Variants in IL16 observed in about 807,000 individuals in gnomAD.
IL16 encodes pro-interleukin-16.
In IL16, 67 loss-of-function variants were observed where a neutral mutation model predicts 110.1. That is an observed-to-expected ratio of 0.61 (90% CI 0.50 to 0.75). The LOEUF (loss-of-function observed/expected upper bound fraction) is 0.75, where lower values mean the gene tolerates loss of function less well. IL16 is among the 30% of genes least tolerant of loss of function. IL16 has a pLI of 0.00. For missense variants in IL16, 1,545 were observed against 1,655.0 expected, an observed-to-expected ratio of 0.93 and a Z score of 1.15; for synonymous variants, 689 against 662.9, an observed-to-expected ratio of 1.04 and a Z score of -0.61.
intron 2 of IL16, among the ~76,000 whole-genome samples, chr15:81,233,599 T>C (rs1045905935): frequency 4.0e-5 from 6 of 151,644 alleles, no homozygotes; most frequent in African/African-American, 7.2e-5. Flanking sequence ...TACATGCATA[T>C]ACACACACAC....
At position 81,256,704 on chromosome 15, in the gene IL16, C is replaced by T. The variant is rs138927655; in HGVS notation, c.313-3068C>T. ...TGTGTACACATCATTTACTTATTTA[C>T]GCTCATGCAGCTAGATATTTGAGAT... is the stretch of plus-strand genomic sequence containing the variant. On this transcript the variant is annotated intron_variant, in intron 2 of 18. Transcript: ENST00000683961. 4.9e-3 allele frequency among the ~76,000 whole-genome samples: 744 copies of T among 152,230 alleles called. 4 individuals are homozygous for T. The highest frequency in any genetic ancestry group is 8.3e-3 in the Non-Finnish European group (565 of 68,026).
chr15:81,186,610 A>G (rs67601221), intron 1 of IL16, among the ~76,000 whole-genome samples: 12,585 of 152,266 alleles, frequency 0.083, 533 homozygotes, highest in Middle Eastern at 0.099. Context: ...CCATTCCCCA[A>G]TTATGGACAT....
At chr15:81,233,313 A>T (rs1389578884) in intron 2 of IL16, among the ~76,000 whole-genome samples, 1 of 152,110 alleles carries the variant, frequency 6.6e-6, no homozygotes, top group East Asian at 1.9e-4. Context: ...ATTGATTTTG[A>T]TGCAAACCAT....
At chr15:81,212,017 A>G (rs576077704) in intron 1 of IL16, among the ~76,000 whole-genome samples, 7 of 152,094 alleles carry the variant, frequency 4.6e-5, no homozygotes, top group African/African-American at 1.4e-4. Flanking sequence ...GCTTCATAGG[A>G]TAAGTTAGGG....
chr15:81,297,385 C>A (rs1596047773), intron 13 of IL16, among the ~76,000 whole-genome samples: 1 of 152,126 alleles, frequency 6.6e-6, no homozygotes, highest in South Asian at 2.1e-4. Context: ...CCCAGCCATC[C>A]TGGGCAGCTA....
At chr15:81,235,734 G>A (rs551615214) in intron 2 of IL16, among the ~76,000 whole-genome samples, 18 of 152,120 alleles carry the variant, frequency 1.2e-4, no homozygotes, top group Admixed American at 7.9e-4. Context: ...GACTGGGAAC[G>A]GCACATAATA....
chr15:81,189,514 G>T (rs1895467068), intron 1 of IL16, among the ~76,000 whole-genome samples: 1 of 152,082 alleles, frequency 6.6e-6, no homozygotes, highest in Non-Finnish European at 1.5e-5. Context: ...TGAACTCCTG[G>T]CCTCAAGTGA....
chr15:81,225,213 C>A, intron 1 of IL16, 86 bp from the exon 2 acceptor site: 1 of 1,126,780 alleles, frequency 8.9e-7, no homozygotes, highest in Non-Finnish European at 1.2e-6. Context: ...GCACCAAGAA[C>A]CCGTGGCTCA....
intron 2 of IL16, among the ~76,000 whole-genome samples, chr15:81,257,427 A>G (rs1897986390): frequency 6.6e-6 from 1 of 152,232 alleles, no homozygotes; most frequent in South Asian, 2.1e-4. Flanking sequence ...AATGCATGTC[A>G]GAAACAGGAA....
At chr15:81,244,555 T>C (rs1446661141) in intron 2 of IL16, among the ~76,000 whole-genome samples, 1 of 152,202 alleles carries the variant, frequency 6.6e-6, no homozygotes, top group Non-Finnish European at 1.5e-5. Flanking sequence ...TCTACTGTCA[T>C]CTGAATTGAG....
rs149982763 is a variant in IL16, at chr15:81,228,857, T to C, written c.312+3146T>C. Among the ~76,000 whole-genome samples, 1,120 of 152,296 alleles carry C rather than the reference T, an allele frequency of 7.4e-3. 21 individuals carry two copies. Among genetic ancestry groups the C allele is most frequent in the African/African-American group, 0.025 (1,051 of 41,540 alleles). ...CTGCCTTTCGCAGTTACTAGCTGTGTAATCCTAGACAATCCACTTTACCTC... is the reference window on the plus strand; with the variant it reads ...CTGCCTTTCGCAGTTACTAGCTGTGCAATCCTAGACAATCCACTTTACCTC... On this transcript the variant is annotated intron_variant, in intron 2 of 18. Transcript: ENST00000683961.
At chr15:81,278,149 C>T (rs965608216) in intron 6 of IL16, among the ~76,000 whole-genome samples, 6 of 152,122 alleles carry the variant, frequency 3.9e-5, no homozygotes, top group African/African-American at 1.2e-4. Context: ...TCTGGAAAAT[C>T]GTATCCAAAC....
chr15:81,284,992 C>G (rs1051949287), intron 9 of IL16, among the ~76,000 whole-genome samples: 1 of 152,140 alleles, frequency 6.6e-6, no homozygotes, highest in Non-Finnish European at 1.5e-5. Flanking sequence ...TCTATTCAAC[C>G]TCTGCAACTC....
intron 1 of IL16, among the ~76,000 whole-genome samples, chr15:81,223,150 T>C (rs1896675176): frequency 6.6e-6 from 1 of 152,208 alleles, no homozygotes; most frequent in Non-Finnish European, 1.5e-5. Context: ...CTCTGGACTT[T>C]GGTTCATGGC....
intron 2 of IL16, among the ~76,000 whole-genome samples, chr15:81,250,079 A>G (rs1897714056): frequency 6.6e-6 from 1 of 152,162 alleles, no homozygotes; most frequent in Non-Finnish European, 1.5e-5. Context: ...AATATTAAAT[A>G]TGTATTGTAT....
intron 2 of IL16, among the ~76,000 whole-genome samples, chr15:81,253,593 C>T (rs1239244164): frequency 6.6e-6 from 1 of 152,310 alleles, no homozygotes; most frequent in East Asian, 1.9e-4. Flanking sequence ...ATAGTATTAG[C>T]TCTCACATAT....
At chr15:81,263,846 T>G (rs1357613434) in intron 3 of IL16, among the ~76,000 whole-genome samples, 21 of 152,188 alleles carry the variant, frequency 1.4e-4, no homozygotes, top group Admixed American at 1.4e-3. Context: ...GAGACTGGGA[T>G]TCTGGAGGCT....
In IL16 at chr15:81,282,902, C is replaced by G. The variant is rs1014935505; in HGVS notation, c.1199+146C>G. 7 of 751,320 alleles carry G rather than the reference C, an allele frequency of 9.3e-6. No homozygotes were observed. The African/African-American group carries it at 1.2e-4, about 13-fold the overall frequency. The allele number at this position is 751,320 out of a possible 1,614,324, so 46.5% of individuals were successfully genotyped here. ...AGCCGCTCCGCCCGCCAGGACACCCCCTGTTGTGGGCACTGGCTGGGGAGG... is the reference window on the plus strand; with the variant it reads ...AGCCGCTCCGCCCGCCAGGACACCCGCTGTTGTGGGCACTGGCTGGGGAGG... On this transcript the variant is annotated intron_variant, in intron 9 of 18. Transcript: ENST00000683961.
intron 2 of IL16, among the ~76,000 whole-genome samples, chr15:81,255,819 A>G (rs954454652): frequency 1.7e-4 from 26 of 152,236 alleles, no homozygotes; most frequent in South Asian, 8.3e-4. Context: ...CCTGCCATCA[A>G]TTGGCTTTAC....
Sources: gnomAD v4.1 joint callset for allele counts (sites outside exome capture counted in the v4.1 genomes callset) on GRCh38, gnomAD v4.1.1 for gene constraint, MANE v1.5 for transcripts, NCBI Gene and HGNC (gene_info 2026-07-23, HGNC 2026-07-21) for gene names.